Variants in OSBPL3 observed in about 807,000 individuals in gnomAD.
OSBPL3 encodes oxysterol binding protein like 3.
Under a neutral mutation model 120.1 loss-of-function variants are expected in OSBPL3, and 65 were observed. That is an observed-to-expected ratio of 0.54 (90% CI 0.44 to 0.67). The LOEUF (loss-of-function observed/expected upper bound fraction) is 0.67, where lower values mean the gene tolerates loss of function less well. Among genes scored for constraint, OSBPL3 ranks in the 30% least tolerant of loss-of-function variants. The pLI is 0.00. For missense variants in OSBPL3, 1,004 were observed against 1,082.1 expected (o/e 0.93, Z 1.01); for synonymous variants, 416 against 402.6 (o/e 1.03, Z -0.40).
Position 24,806,714 on chromosome 7 carries a change from A to C in OSBPL3, c.2444+62T>G. The stretch of plus-strand genomic sequence containing the variant: ...TGCCTCTGGTGGCCTAAGGATTGTT[A>C]ATAAGACTTTTTGTAAAGGGTTTTA... On this transcript the variant is annotated intron_variant, in intron 21 of 22. Coordinates refer to ENST00000313367, the MANE Select transcript of OSBPL3 (RefSeq NM_015550.4). This position sits in a 1 kb window ranked among gnomAD's most constrained non-coding sequence, Gnocchi z 5.2. 1 of 1,532,698 alleles carries C rather than the reference A, an allele frequency of 6.5e-7. No individual in the cohort carries two copies. The allele number at this position is 1,532,698 out of a possible 1,614,324, so 94.9% of individuals were successfully genotyped here. A position where few individuals can be genotyped will look rare whatever the true frequency, so the allele number is the denominator to read the frequency against.
intron 1 of OSBPL3, among the ~76,000 whole-genome samples, chr7:24,931,923 A>G (rs1441288146): frequency 6.6e-6 from 1 of 152,212 alleles, no homozygotes; most frequent in Non-Finnish European, 1.5e-5. Flanking sequence ...ATGGAAAAAC[A>G]TTAGGAGTTA....
intron 12 of OSBPL3, among the ~76,000 whole-genome samples, chr7:24,848,845 G>C (rs1798759961): frequency 6.6e-6 from 1 of 152,198 alleles, no homozygotes; most frequent in Admixed American, 6.5e-5. Flanking sequence ...GAGAGTTCTG[G>C]GGAAGGAAGC....
In OSBPL3 at chr7:24,817,487, T is replaced by C. The variant is rs1794614311; in HGVS notation, c.1949-799A>G. Among the ~76,000 whole-genome samples the C allele has an allele frequency of 6.6e-6, 1 of 151,882 alleles. No homozygotes were observed. Among genetic ancestry groups the C allele is most frequent in the South Asian group, 2.1e-4 (1 of 4,822 alleles). Reference sequence around the variant, plus strand: ...TGCCATTGCACTCCAGCCTGGGTGATGGAGTGAGATTCTGCCAAAAAAAAC... The same window carrying C: ...TGCCATTGCACTCCAGCCTGGGTGACGGAGTGAGATTCTGCCAAAAAAAAC... On this transcript the variant is annotated intron_variant, in intron 17 of 22. Transcript: ENST00000313367. This position sits in a 1 kb window ranked among gnomAD's most constrained non-coding sequence, Gnocchi z 4.0.
At position 24,823,041 on chromosome 7, in the gene OSBPL3, T is replaced by C. The variant is rs1291685348; in HGVS notation, c.1885-2803A>G. ...GATTTACATTGATAGCTTATTATTT[T>C]GTATATTTCCTCCTATTTCTGGAGC... On this transcript the variant is annotated intron_variant, in intron 16 of 22. Coordinates refer to ENST00000313367, the MANE Select transcript of OSBPL3 (RefSeq NM_015550.4). Among the ~76,000 whole-genome samples, 5 of 152,224 alleles carry C rather than the reference T, an allele frequency of 3.3e-5. No individual in the cohort carries two copies. In the East Asian group the frequency reaches 9.6e-4, roughly 29 times the overall value.
Position 24,871,895 on chromosome 7 carries a change from C to A in OSBPL3, c.213+58G>T. 1 of 1,459,132 alleles carries A rather than the reference C, an allele frequency of 6.9e-7. No individual in the cohort carries two copies. Among genetic ancestry groups the A allele is most frequent in the Non-Finnish European group, 9.6e-7 (1 of 1,039,000 alleles). The allele number at this position is 1,459,132 out of a possible 1,614,324, so 90.4% of individuals were successfully genotyped here. On this transcript the variant is annotated intron_variant, in intron 3 of 22. Transcript: ENST00000313367. This position sits in a 1 kb window ranked among gnomAD's most constrained non-coding sequence, Gnocchi z 4.8. ...AAATTAAATATGAGTACCTAAGAACCAGGTGCTGAGTGGGGCAGTGTGAGT... is the reference window on the plus strand; with the variant it reads ...AAATTAAATATGAGTACCTAAGAACAAGGTGCTGAGTGGGGCAGTGTGAGT...
chr7:24,847,794 T>C (rs1798619377), intron 12 of OSBPL3, among the ~76,000 whole-genome samples: 1 of 152,386 alleles, frequency 6.6e-6, no homozygotes, highest in Non-Finnish European at 1.5e-5. Flanking sequence ...TGGCCATGAC[T>C]GGGTCCTGTT....
In OSBPL3 at chr7:24,883,249, C is replaced by T. The variant is rs574018180; in HGVS notation, c.96+9128G>A. On this transcript the variant is annotated intron_variant, in intron 2 of 22. Transcript: ENST00000313367. The surrounding 1 kb of genome is among the most constrained non-coding windows in gnomAD (Gnocchi z 5.4). ...CAGTGGAAAACACAGCTGAACTTGA[C>T]GGTAGGGCCAGGGTGTAGGTTTTAG... Among the ~76,000 whole-genome samples the T allele has an allele frequency of 1.3e-5, 2 of 152,216 alleles. No homozygotes were observed. Among genetic ancestry groups the T allele is most frequent in the South Asian group, 2.1e-4 (1 of 4,814 alleles).
At chr7:24,973,822 C>G (rs1212169854) in intron 1 of OSBPL3, among the ~76,000 whole-genome samples, 2 of 152,234 alleles carry the variant, frequency 1.3e-5, no homozygotes, top group East Asian at 3.9e-4. Flanking sequence ...ATACTCCAGA[C>G]TTTAAAAAAG....
rs1805382632 is a variant in OSBPL3, at chr7:24,891,723, A to G, written c.96+654T>C. On this transcript the variant is annotated intron_variant, in intron 2 of 22. Transcript: ENST00000313367. The surrounding 1 kb of genome is among the most constrained non-coding windows in gnomAD (Gnocchi z 4.1). ...GAAAGGAAACCAAGAAACAATATATAATTACTCAACAGTTATTTAGGAGTT... is the reference window on the plus strand; with the variant it reads ...GAAAGGAAACCAAGAAACAATATATGATTACTCAACAGTTATTTAGGAGTT... Among the ~76,000 whole-genome samples the G allele has an allele frequency of 6.6e-6, 1 of 152,162 alleles. No homozygotes were observed. Among genetic ancestry groups the G allele is most frequent in the South Asian group, 2.1e-4 (1 of 4,828 alleles).
At chr7:24,897,962 T>C (rs1034391027) in intron 1 of OSBPL3, among the ~76,000 whole-genome samples, 1 of 152,234 alleles carries the variant, frequency 6.6e-6, no homozygotes, top group African/African-American at 2.4e-5. Flanking sequence ...CCAGATGGCA[T>C]ATAATTCCAA....
chr7:24,870,473 T>C (rs1044012007), intron 5 of OSBPL3, among the ~76,000 whole-genome samples: 3 of 152,224 alleles, frequency 2.0e-5, no homozygotes, highest in African/African-American at 7.2e-5. Flanking sequence ...AAATTTTTCA[T>C]TGTTGACTGT....
Position 24,805,571 on chromosome 7 carries a change from C to T in OSBPL3, c.2445-1134G>A, listed in dbSNP as rs1347736309. ...ATTTAAGAAACACAATTGTAACAGA[C>T]TTTATACAAAAAATACTTCCCTAAA... On this transcript the variant is annotated intron_variant, in intron 21 of 22. Coordinates refer to ENST00000313367, the MANE Select transcript of OSBPL3 (RefSeq NM_015550.4). This position sits in a 1 kb window ranked among gnomAD's most constrained non-coding sequence, Gnocchi z 4.0. Among the ~76,000 whole-genome samples the T allele has an allele frequency of 2.6e-5, 4 of 152,090 alleles. No homozygotes were observed. The highest frequency in any genetic ancestry group is 9.7e-5 in the African/African-American group (4 of 41,400).
In OSBPL3 at chr7:24,909,775, T is replaced by TTTTTTTC. The variant is rs757517253; in HGVS notation, c.-149-17155_-149-17154insGAAAAAA. Among the ~76,000 whole-genome samples, 4 of 136,288 alleles carry TTTTTTTC rather than the reference T, an allele frequency of 2.9e-5. No homozygotes were observed. In the East Asian group the frequency reaches 6.2e-4, roughly 21 times the overall value. The allele number at this position is 136,288 out of a possible 152,430, so 89.4% of individuals were successfully genotyped here. On this transcript the variant is annotated intron_variant, in intron 1 of 22. Coordinates refer to ENST00000313367, the MANE Select transcript of OSBPL3 (RefSeq NM_015550.4). ...AAAATAAGGAAAGCTACTGTTTTTT[T>TTTTTTTC]TTTCTTTCTTTTTTTTTTTTTTTTT...
chr7:24,838,092 T>C (rs972530051), intron 14 of OSBPL3, among the ~76,000 whole-genome samples: 2 of 152,216 alleles, frequency 1.3e-5, no homozygotes. Context: ...CTTAGAAATA[T>C]AATCTCCCCC....
intron 1 of OSBPL3, among the ~76,000 whole-genome samples, chr7:24,948,508 T>C (rs1030669857): frequency 6.6e-5 from 10 of 152,214 alleles, no homozygotes; most frequent in Non-Finnish European, 8.8e-5. Context: ...ATCAGCAAAG[T>C]TGTGTAGATT....
At position 24,964,119 on chromosome 7, in the gene OSBPL3, T is replaced by C. The variant is rs1027406391; in HGVS notation, c.-150+15767A>G. ...ATCCACACTGATTAAAAAAAACTGATTGAATAAACAAATGGAGAAGAAGAA... is the reference window on the plus strand; with the variant it reads ...ATCCACACTGATTAAAAAAAACTGACTGAATAAACAAATGGAGAAGAAGAA... On this transcript the variant is annotated intron_variant, in intron 1 of 22. Transcript: ENST00000313367. This position sits in a 1 kb window ranked among gnomAD's most constrained non-coding sequence, Gnocchi z 4.2. 7.9e-5 allele frequency among the ~76,000 whole-genome samples: 12 copies of C among 151,986 alleles called. No homozygotes were observed. The highest frequency in any genetic ancestry group is 4.2e-4 in the South Asian group (2 of 4,816).
At chr7:24,870,926 C>A (rs760720476) in intron 4 of OSBPL3, 81 bp from the exon 5 acceptor site, 1 of 867,716 alleles carries the variant, frequency 1.2e-6, no homozygotes, top group Non-Finnish European at 2.0e-6. Context: ...CTTCCACATC[C>A]CCTGATAGTA....
chr7:24,840,932 C>T (rs1797662378), intron 13 of OSBPL3, 149 bp from the exon 14 acceptor site: 2 of 516,048 alleles, frequency 3.9e-6, no homozygotes, highest in South Asian at 2.9e-5. Context: ...ATATACCAAT[C>T]TGCCAAGGAG....
intron 1 of OSBPL3, among the ~76,000 whole-genome samples, chr7:24,958,268 T>A (rs1052871832): frequency 6.6e-6 from 1 of 152,180 alleles, no homozygotes; most frequent in African/African-American, 2.4e-5. Flanking sequence ...TCTCAGTCAA[T>A]AGGATAGTAA....
Sources: allele counts gnomAD v4.1 joint callset (sites outside exome capture counted in the v4.1 genomes callset), GRCh38; gene constraint gnomAD v4.1.1; non-coding constraint Gnocchi (gnomAD v3.1); transcripts MANE v1.5; gene names NCBI Gene and HGNC (gene_info 2026-07-23, HGNC 2026-07-21).